The following OLFM3 variants were observed in gnomAD, a reference collection of about 807,000 sequenced individuals.
OLFM3 encodes the protein noelin-3.
Under a neutral mutation model 48.6 loss-of-function variants are expected in OLFM3, and 20 were observed. The ratio of observed to expected loss-of-function variants is 0.41; its 90% confidence interval spans 0.29 to 0.60. OLFM3 has a LOEUF of 0.60. OLFM3 is among the 20% of genes least tolerant of loss of function. The probability of loss-of-function intolerance (pLI) is 0.28; values close to 1 mark genes in which losing one functional copy is unlikely to be tolerated. For synonymous variants in OLFM3, 222 were observed against 198.1 expected, an observed-to-expected ratio of 1.12 and a Z score of -1.01; for missense variants, 437 against 544.3, an observed-to-expected ratio of 0.80 and a Z score of 1.96.
chr1:101,917,117 A>C (rs1193537215), intron 1 of OLFM3, among the ~76,000 whole-genome samples: 1 of 152,172 alleles, frequency 6.6e-6, no homozygotes, highest in Non-Finnish European at 1.5e-5. Flanking sequence ...TTAAGAGTAC[A>C]ATATTCTGTT....
chr1:101,904,670 G>T (rs1234530274), intron 1 of OLFM3, among the ~76,000 whole-genome samples: 1 of 152,044 alleles, frequency 6.6e-6, no homozygotes, highest in Non-Finnish European at 1.5e-5. Context: ...ATTCAATGAT[G>T]ACAAATGACT....
intron 1 of OLFM3, among the ~76,000 whole-genome samples, chr1:101,899,390 A>T (rs1163265002): frequency 3.9e-5 from 6 of 152,118 alleles, no homozygotes; most frequent in Non-Finnish European, 8.8e-5. Context: ...TGAAAGAGGG[A>T]GAGGAGGGGC....
At chr1:101,842,606 A>G (rs952808274) in intron 1 of OLFM3, among the ~76,000 whole-genome samples, 1 of 152,156 alleles carries the variant, frequency 6.6e-6, no homozygotes, top group Non-Finnish European at 1.5e-5. Flanking sequence ...GGAAATCACA[A>G]TGACTTAGAC....
At chr1:101,889,288 G>A (rs1657895363) in intron 1 of OLFM3, among the ~76,000 whole-genome samples, 1 of 152,152 alleles carries the variant, frequency 6.6e-6, no homozygotes, top group African/African-American at 2.4e-5. Context: ...TTAAGAAAAT[G>A]TGGCACATAT....
intron 1 of OLFM3, among the ~76,000 whole-genome samples, chr1:101,842,488 A>T (rs1329247126): frequency 6.6e-6 from 1 of 152,196 alleles, no homozygotes; most frequent in African/African-American, 2.4e-5. Flanking sequence ...TCGAGGCTAC[A>T]GTGAGCCGAG....
Position 101,804,811 on chromosome 1 carries a change from G to A in OLFM3, c.804C>T (p.Phe268=), listed in dbSNP as rs746163109. The A allele has an allele frequency of 6.2e-7, 1 of 1,612,618 alleles. No homozygotes were observed. Among genetic ancestry groups the A allele is most frequent in the Admixed American group, 1.7e-5 (1 of 59,814 alleles). ...CAACATGGTTAGTTCCTGCCCACTTGAAAGGAAGGTTGTATGTCCTTGATT... is the reference window on the plus strand; with the variant it reads ...CAACATGGTTAGTTCCTGCCCACTTAAAAGGAAGGTTGTATGTCCTTGATT... ...GAESRTYNLP[F]KWAGTNHVVY... Residue 268 remains phenylalanine, a synonymous_variant, in exon 6 of 6, where the codon TTC becomes TTT. Coordinates refer to ENST00000370103, the MANE Select transcript of OLFM3 (RefSeq NM_058170.4). This position sits in a 1 kb window ranked among gnomAD's most constrained non-coding sequence, Gnocchi z 4.5.
chr1:101,959,565 TA>T (rs1298280304), intron 1 of OLFM3, among the ~76,000 whole-genome samples: 1 of 152,180 alleles, frequency 6.6e-6, no homozygotes, highest in Non-Finnish European at 1.5e-5. Flanking sequence ...TATCAGTTCT[TA>T]ATGCAGAAAA....
chr1:101,927,041 T>A (rs1659293910), intron 1 of OLFM3, among the ~76,000 whole-genome samples: 1 of 152,186 alleles, frequency 6.6e-6, no homozygotes, highest in African/African-American at 2.4e-5. Context: ...TTGAGAGCCA[T>A]GCTTAGCTTG....
chr1:101,958,197 T>C (rs1277673905), intron 1 of OLFM3, among the ~76,000 whole-genome samples: 3 of 152,130 alleles, frequency 2.0e-5, no homozygotes, highest in African/African-American at 7.2e-5. Context: ...ACTGAAGTTT[T>C]GAATTACATA....
intron 1 of OLFM3, among the ~76,000 whole-genome samples, chr1:101,952,433 CA>C (rs1437933014): frequency 3.3e-5 from 5 of 151,922 alleles, no homozygotes; most frequent in African/African-American, 1.2e-4. Flanking sequence ...GCAACAGAAA[CA>C]TTTTTTGTGA....
Position 101,843,192 on chromosome 1 carries a change from G to C in OLFM3, c.70-6167C>G, listed in dbSNP as rs144749197. Reference sequence around the variant, plus strand: ...ACTCATCAAAGTAGTTATTCATGAGGAGAAGCCAGCTAGACCTTTGAAAAT... The same window carrying C: ...ACTCATCAAAGTAGTTATTCATGAGCAGAAGCCAGCTAGACCTTTGAAAAT... On this transcript the variant is annotated intron_variant, in intron 1 of 5. Coordinates refer to ENST00000370103, the MANE Select transcript of OLFM3 (RefSeq NM_058170.4). 3.5e-3 allele frequency among the ~76,000 whole-genome samples: 531 copies of C among 152,274 alleles called. 1 individual carries two copies. Among genetic ancestry groups the C allele is most frequent in the African/African-American group, 0.012 (492 of 41,546 alleles).
intron 1 of OLFM3, among the ~76,000 whole-genome samples, chr1:101,974,767 T>A (rs1437317756): frequency 1.3e-5 from 2 of 152,170 alleles, no homozygotes; most frequent in Non-Finnish European, 2.9e-5. Flanking sequence ...CATTTGCTTA[T>A]CTACTTTTTT....
At chr1:101,835,668 T>C (rs1335772938) in intron 2 of OLFM3, among the ~76,000 whole-genome samples, 4 of 152,158 alleles carry the variant, frequency 2.6e-5, no homozygotes, top group African/African-American at 7.2e-5. Flanking sequence ...TTATTCTGAA[T>C]GAAAATGACA....
intron 1 of OLFM3, among the ~76,000 whole-genome samples, chr1:101,937,607 C>T (rs952671842): frequency 9.9e-5 from 15 of 152,212 alleles, no homozygotes; most frequent in Non-Finnish European, 1.9e-4. Context: ...ACGTGACTTG[C>T]TCCTCCTTGC....
At chr1:101,873,973 G>C (rs1657191850) in intron 1 of OLFM3, among the ~76,000 whole-genome samples, 1 of 151,664 alleles carries the variant, frequency 6.6e-6, no homozygotes, top group Admixed American at 6.6e-5. Context: ...AAAATATTTT[G>C]ACTATTAAAA....
At chr1:101,944,261 G>A (rs1659886855) in intron 1 of OLFM3, among the ~76,000 whole-genome samples, 1 of 152,030 alleles carries the variant, frequency 6.6e-6, no homozygotes, top group East Asian at 1.9e-4. Flanking sequence ...TTAAGGTCAA[G>A]TTACCACAGA....
At chr1:101,911,095 G>C (rs1360695461) in intron 1 of OLFM3, among the ~76,000 whole-genome samples, 3 of 152,162 alleles carry the variant, frequency 2.0e-5, no homozygotes, top group Admixed American at 6.5e-5. Context: ...TAGCTACTCT[G>C]TGAGTAAAGC....
chr1:101,842,200 A>C (rs1444818715), intron 1 of OLFM3, among the ~76,000 whole-genome samples: 2 of 152,196 alleles, frequency 1.3e-5, no homozygotes, highest in Admixed American at 6.5e-5. Flanking sequence ...CTATAAAAGC[A>C]AAAATAATAA....
chr1:101,996,072 C>T (rs1263415575), intron 1 of OLFM3, among the ~76,000 whole-genome samples: 1 of 152,178 alleles, frequency 6.6e-6, no homozygotes, highest in Admixed American at 6.5e-5. Flanking sequence ...GTTAACTCAT[C>T]CTTCCTATTG....
Sources: allele counts gnomAD v4.1 joint callset (sites outside exome capture counted in the v4.1 genomes callset), GRCh38; gene constraint gnomAD v4.1.1; non-coding constraint Gnocchi (gnomAD v3.1); transcripts MANE v1.5; gene names NCBI Gene and HGNC (gene_info 2026-07-23, HGNC 2026-07-21).